Variants in RGS8 observed in about 807,000 individuals in gnomAD.
RGS8 encodes regulator of G protein signaling 8, also known as regulator of G-protein signaling 8.
A neutral mutation model predicts 21.7 loss-of-function variants in RGS8; 8 were observed. That is an observed-to-expected ratio of 0.37 (90% confidence interval 0.22 to 0.66). The LOEUF (loss-of-function observed/expected upper bound fraction) is 0.66. Ranked by LOEUF, RGS8 falls within the 30% of genes least tolerant of loss-of-function variation. The probability of loss-of-function intolerance (pLI) is 0.59; values close to 1 mark genes in which losing one functional copy is unlikely to be tolerated. For missense variants in RGS8, 157 were observed against 217.9 expected, an observed-to-expected ratio of 0.72 and a Z score of 1.76; for synonymous variants, 80 against 83.6, an observed-to-expected ratio of 0.96 and a Z score of 0.24.
Position 182,671,654 on chromosome 1 carries a change from C to T in RGS8, c.-104+3G>A, listed in dbSNP as rs1301689278. On this transcript the variant is annotated splice_donor_region_variant and intron_variant, in intron 2 of 6. Coordinates refer to ENST00000483095, the Ensembl canonical transcript of RGS8. ...GAAAGAGAAAAGCAAAGGCAATACTCACTGTCTTTGGCCAGTCCTCATGGC... is the reference window on the plus strand; with the variant it reads ...GAAAGAGAAAAGCAAAGGCAATACTTACTGTCTTTGGCCAGTCCTCATGGC... The T allele has an allele frequency of 6.2e-7, 1 of 1,613,814 alleles. No individual in the cohort carries two copies.
intron 5 of RGS8, among the ~76,000 whole-genome samples, chr1:182,654,866 C>T (rs1274957355): frequency 1.3e-5 from 2 of 151,944 alleles, no homozygotes; most frequent in Non-Finnish European, 2.9e-5. Context: ...GATCCTTGAA[C>T]CTGGAGAATA....
chr1:182,738,507 G>T, the RGS8 span, among the ~76,000 whole-genome samples: 7 of 152,146 alleles, frequency 4.6e-5, no homozygotes, highest in Non-Finnish European at 1.0e-4. Context: ...TGAAATTAGA[G>T]TTGACCTTTG....
chr1:182,745,681 T>G, the RGS8 span, among the ~76,000 whole-genome samples: 1 of 152,234 alleles, frequency 6.6e-6, no homozygotes, highest in African/African-American at 2.4e-5. Flanking sequence ...TTGATTCACA[T>G]AAAGCCAAAT....
the RGS8 span, among the ~76,000 whole-genome samples, chr1:182,724,201 GATATATATATATATATAT>G: frequency 0.024 from 1,020 of 42,140 alleles, 55 homozygotes; most frequent in Admixed American, 0.055. Flanking sequence ...GGCTAGACTG[GATATATATATATATATAT>G]ATATATATAT....
chr1:182,735,845 A>G, the RGS8 span, among the ~76,000 whole-genome samples: 1 of 152,218 alleles, frequency 6.6e-6, no homozygotes, highest in East Asian at 1.9e-4. Context: ...TCACAGAGAC[A>G]CAGGCAATAA....
At chr1:182,680,574 T>C (rs1436301031) in intron 1 of RGS8, among the ~76,000 whole-genome samples, 1 of 152,008 alleles carries the variant, frequency 6.6e-6, no homozygotes, top group Non-Finnish European at 1.5e-5. Flanking sequence ...TACCTGCAAC[T>C]CTCTTCTCCT....
intron 5 of RGS8, among the ~76,000 whole-genome samples, chr1:182,660,101 A>G (rs1332410522): frequency 3.3e-5 from 5 of 152,246 alleles, no homozygotes; most frequent in Non-Finnish European, 7.3e-5. Context: ...ATTATGTTAG[A>G]GCAAAAATAA....
At chr1:182,644,199 C>G (rs1228592895), downstream of RGS8, 1 of 152,210 alleles carries the variant, frequency 6.6e-6, no homozygotes, top group Non-Finnish European at 1.5e-5. Context: ...GTTGGCACGA[C>G]CAGAGTGCCT....
At chr1:182,675,302 A>G (rs1664319149), upstream of RGS8, among the ~76,000 whole-genome samples, 1 of 152,018 alleles carries the variant, frequency 6.6e-6, no homozygotes, top group African/African-American at 2.4e-5. Flanking sequence ...CATATTTTTG[A>G]AGTATTTCTC....
the RGS8 span, among the ~76,000 whole-genome samples, chr1:182,741,278 C>A: frequency 7.7e-6 from 1 of 130,290 alleles, no homozygotes; most frequent in East Asian, 2.4e-4. Context: ...GCTCCCCTCA[C>A]CTCCCGGACG....
chr1:182,733,138 G>A, the RGS8 span, among the ~76,000 whole-genome samples: 1 of 152,176 alleles, frequency 6.6e-6, no homozygotes, highest in African/African-American at 2.4e-5. Flanking sequence ...TCACAACAGA[G>A]GATACTCAGA....
At chr1:182,674,391 A>G (rs756850842), upstream of RGS8, among the ~76,000 whole-genome samples, 1 of 152,236 alleles carries the variant, frequency 6.6e-6, no homozygotes, top group African/African-American at 2.4e-5. Context: ...AAAGAACAGG[A>G]ATATAAAGAG....
At chr1:182,643,613 C>A (rs568000562), downstream of RGS8, 1 of 152,316 alleles carries the variant, frequency 6.6e-6, no homozygotes, top group South Asian at 2.1e-4. Context: ...TGGGCCCCAT[C>A]TCAGGTCTAT....
At chr1:182,751,368 T>G in the RGS8 span, among the ~76,000 whole-genome samples, 48 of 152,320 alleles carry the variant, frequency 3.2e-4, no homozygotes, top group African/African-American at 1.1e-3. Flanking sequence ...ACTCATTCAT[T>G]TATTTATCAT....
At chr1:182,735,239 C>T in the RGS8 span, among the ~76,000 whole-genome samples, 4 of 152,074 alleles carry the variant, frequency 2.6e-5, no homozygotes, top group Non-Finnish European at 4.4e-5. Flanking sequence ...ATAAAATTTT[C>T]AAGAACATCA....
chr1:182,657,553 T>C (rs1292123032), intron 5 of RGS8, among the ~76,000 whole-genome samples: 1 of 152,058 alleles, frequency 6.6e-6, no homozygotes, highest in African/African-American at 2.4e-5. Flanking sequence ...CCGCCCCAGT[T>C]TCCCCCAACA....
chr1:182,663,221 G>C (rs2102429917), intron 5 of RGS8, among the ~76,000 whole-genome samples: 3 of 152,284 alleles, frequency 2.0e-5, no homozygotes, highest in Admixed American at 2.0e-4. Flanking sequence ...CCCTAATTGA[G>C]TCACAATACC....
At chr1:182,737,033 T>C in the RGS8 span, among the ~76,000 whole-genome samples, 4 of 152,222 alleles carry the variant, frequency 2.6e-5, no homozygotes, top group African/African-American at 9.6e-5. Flanking sequence ...AATCAAGGCA[T>C]TGGCAGGGCT....
At chr1:182,720,916 TATAC>T in the RGS8 span, among the ~76,000 whole-genome samples, 12,147 of 87,556 alleles carry the variant, frequency 0.14, 949 homozygotes, top group African/African-American at 0.18. Flanking sequence ...TGTGTGTGTA[TATAC>T]ATATATACAT....
Sources: gnomAD v4.1 joint callset for allele counts (sites outside exome capture counted in the v4.1 genomes callset) on GRCh38, gnomAD v4.1.1 for gene constraint, MANE v1.5 for transcripts, NCBI Gene and HGNC (gene_info 2026-07-23, HGNC 2026-07-21) for gene names.